Variants in OXR1 observed in about 807,000 individuals in gnomAD.
OXR1 encodes oxidation resistance protein 1.
In OXR1, 41 loss-of-function variants were observed where a neutral mutation model predicts 104.6. The observed-to-expected ratio is 0.39, with a 90% CI of 0.31 to 0.51. The LOEUF is 0.51. Ranked by LOEUF, OXR1 falls within the 20% of genes least tolerant of loss-of-function variation. The pLI is 0.77. For missense variants in OXR1, 955 were observed against 1,031.9 expected (o/e 0.93, Z 1.02); for synonymous variants, 348 against 348.4 (o/e 1.00, Z 0.01).
intron 1 of OXR1, among the ~76,000 whole-genome samples, chr8:106,302,379 G>C (rs895677367): frequency 6.6e-6 from 1 of 151,994 alleles, no homozygotes; most frequent in Non-Finnish European, 1.5e-5. Flanking sequence ...TCAGGAGATC[G>C]AGATCATCCT....
At chr8:106,301,034 T>G (rs1410397147) in intron 1 of OXR1, among the ~76,000 whole-genome samples, 1 of 152,196 alleles carries the variant, frequency 6.6e-6, no homozygotes, top group Non-Finnish European at 1.5e-5. Flanking sequence ...ATGTGACAAT[T>G]TTAGGTACAA....
At chr8:106,397,930 G>A (rs1817846517) in intron 2 of OXR1, among the ~76,000 whole-genome samples, 3 of 152,090 alleles carry the variant, frequency 2.0e-5, no homozygotes, top group African/African-American at 7.2e-5. Flanking sequence ...TGAAGGCTGA[G>A]GCAGAATCTC....
At chr8:106,636,542 CT>C (rs1823155230) in intron 3 of OXR1, among the ~76,000 whole-genome samples, 1 of 152,144 alleles carries the variant, frequency 6.6e-6, no homozygotes, top group Admixed American at 6.6e-5. Context: ...CCACTAATGC[CT>C]GACTGGTTTA....
intron 2 of OXR1, among the ~76,000 whole-genome samples, chr8:106,482,124 G>A (rs1450921272): frequency 2.0e-5 from 3 of 151,852 alleles, no homozygotes; most frequent in Non-Finnish European, 2.9e-5. Context: ...TATTTAATGA[G>A]GAAAAAGGTA....
chr8:106,505,337 ATATAG>A (rs1812088185), intron 2 of OXR1, among the ~76,000 whole-genome samples: 1 of 152,266 alleles, frequency 6.6e-6, no homozygotes, highest in Admixed American at 6.5e-5. Flanking sequence ...TTATTAATTC[ATATAG>A]TATATGTTTT....
intron 2 of OXR1, among the ~76,000 whole-genome samples, chr8:106,426,389 G>A (rs1468901642): frequency 1.3e-5 from 2 of 151,658 alleles, no homozygotes; most frequent in East Asian, 1.9e-4. Context: ...GATCATAACC[G>A]AATCTATAGT....
intron 1 of OXR1, among the ~76,000 whole-genome samples, chr8:106,344,323 T>A (rs1815386956): frequency 6.6e-6 from 1 of 151,640 alleles, no homozygotes; most frequent in Admixed American, 6.7e-5. Flanking sequence ...CCGTTTTTTG[T>A]TTTTGTTTTT....
chr8:106,581,278 AT>A (rs746453045), intron 3 of OXR1: 417 of 1,259,170 alleles, frequency 3.3e-4, no homozygotes, highest in Non-Finnish European at 3.7e-4. Context: ...ATGCCTTTCT[AT>A]TTTTTTTTAA....
At chr8:106,617,055 T>C (rs1250354242) in intron 3 of OXR1, among the ~76,000 whole-genome samples, 1 of 152,094 alleles carries the variant, frequency 6.6e-6, no homozygotes, top group Non-Finnish European at 1.5e-5. Flanking sequence ...GATTCTAAAG[T>C]TTAAGGACAT....
upstream of OXR1, chr8:106,270,181 T>C (rs932044986): frequency 3.9e-5 from 6 of 152,260 alleles, no homozygotes; most frequent in Admixed American, 3.9e-4. Context: ...ACTGAGCATG[T>C]CTGCAAGCGC....
At chr8:106,591,262 G>A (rs1819060191) in intron 3 of OXR1, among the ~76,000 whole-genome samples, 1 of 118,290 alleles carries the variant, frequency 8.5e-6, no homozygotes, top group African/African-American at 3.3e-5. Flanking sequence ...ACAGGAAGGG[G>A]AACATCACAC....
intron 3 of OXR1, among the ~76,000 whole-genome samples, chr8:106,678,134 A>T (rs1827788517): frequency 6.6e-6 from 1 of 152,070 alleles, no homozygotes; most frequent in South Asian, 2.1e-4. Flanking sequence ...GTTTTAGGAT[A>T]GTTTTTTAAA....
chr8:106,557,830 G>C (rs1367589166), intron 3 of OXR1, among the ~76,000 whole-genome samples: 2 of 152,314 alleles, frequency 1.3e-5, no homozygotes, highest in South Asian at 4.1e-4. Context: ...TGGGTTCTTT[G>C]TTGAGACTTG....
At chr8:106,564,149 A>G (rs1188854228) in intron 3 of OXR1, among the ~76,000 whole-genome samples, 3 of 152,192 alleles carry the variant, frequency 2.0e-5, no homozygotes, top group Non-Finnish European at 2.9e-5. Context: ...GAACTGAAGG[A>G]GATAAAGACA....
intron 3 of OXR1, among the ~76,000 whole-genome samples, chr8:106,672,928 A>G (rs891156941): frequency 6.6e-6 from 1 of 152,210 alleles, no homozygotes; most frequent in African/African-American, 2.4e-5. Flanking sequence ...CAGAACTGTG[A>G]GTTAGTTAAA....
At position 106,683,178 on chromosome 8, in the gene OXR1, TTTA is replaced by T. The variant is rs1436806941; in HGVS notation, c.304-18_304-16del. The T allele has an allele frequency of 2.5e-6, 3 of 1,219,850 alleles. No individual in the cohort carries two copies. Among genetic ancestry groups the T allele is most frequent in the Non-Finnish European group, 3.6e-6 (3 of 833,100 alleles). 75.6% of individuals were successfully genotyped at this position (1,219,850 alleles called of 1,614,324 possible). A position where few individuals can be genotyped will look rare whatever the true frequency, so the allele number is the denominator to read the frequency against. On this transcript the variant is annotated intron_variant, in intron 4 of 16. Transcript: ENST00000517566. ...TTTTCTGTTTTAAACATTGAAATAA[TTTA>T]TTTTTTCTTTTAAACAGGTTGAATC...
intron 11 of OXR1, among the ~76,000 whole-genome samples, chr8:106,714,834 A>G (rs1003190363): frequency 1.3e-5 from 2 of 152,188 alleles, no homozygotes; most frequent in Admixed American, 6.5e-5. Context: ...TGCACTTAAC[A>G]TGTATAGTAA....
chr8:106,498,223 A>G (rs1335615828), intron 2 of OXR1, among the ~76,000 whole-genome samples: 2 of 152,112 alleles, frequency 1.3e-5, no homozygotes, highest in East Asian at 3.9e-4. Flanking sequence ...CATGAACATC[A>G]AGTATCTACA....
chr8:106,628,166 C>T (rs1284288316), intron 3 of OXR1, among the ~76,000 whole-genome samples: 1 of 152,104 alleles, frequency 6.6e-6, no homozygotes, highest in Non-Finnish European at 1.5e-5. Context: ...AACCTATATT[C>T]CTAGAACCTC....
Sources: allele counts gnomAD v4.1 joint callset (sites outside exome capture counted in the v4.1 genomes callset), GRCh38; gene constraint gnomAD v4.1.1; transcripts MANE v1.5; gene names NCBI Gene and HGNC (gene_info 2026-07-23, HGNC 2026-07-21).